LMBR1L: variants seen among roughly 807,000 people sequenced by gnomAD.
LMBR1L encodes the protein limb development membrane protein 1 like.
In LMBR1L, 47 loss-of-function variants were observed where a neutral mutation model predicts 67.3. The ratio of observed to expected loss-of-function variants is 0.70; its 90% CI spans 0.55 to 0.89. The LOEUF is 0.89. Among genes scored for constraint, LMBR1L ranks in the 40% least tolerant of loss-of-function variants. LMBR1L has a pLI of 0.00. For missense variants in LMBR1L, 533 were observed against 599.2 expected, an observed-to-expected ratio of 0.89 and a Z score of 1.15; for synonymous variants, 247 against 250.3, an observed-to-expected ratio of 0.99 and a Z score of 0.13.
intron 2 of LMBR1L, chr12:49,106,357 A>C: frequency 2.7e-6 from 1 of 371,460 alleles, no homozygotes; most frequent in South Asian, 2.1e-5. Flanking sequence ...GAAAGTCCCC[A>C]GGGGAATTAC....
At chr12:49,100,519 C>T (rs757994793) in intron 14 of LMBR1L, 37 bp downstream of exon 14, 2 of 1,609,924 alleles carry the variant, frequency 1.2e-6, no homozygotes, top group East Asian at 2.2e-5. Context: ...TGCCCATCCA[C>T]ACCCCCCGGG....
intron 15 of LMBR1L, among the ~76,000 whole-genome samples, chr12:49,099,142 T>TC (rs1939787699): frequency 7.2e-6 from 1 of 138,950 alleles, no homozygotes; most frequent in South Asian, 2.3e-4. Flanking sequence ...TTTTTTTTTT[T>TC]CTGAGACAGA....
chr12:49,106,453 G>A, intron 2 of LMBR1L: 1 of 638,480 alleles, frequency 1.6e-6, no homozygotes, highest in Non-Finnish European at 2.5e-6. Flanking sequence ...TGGGGCAAGT[G>A]TGCCCCCACC....
Position 49,102,392 on chromosome 12 carries a change from A to G in LMBR1L, c.770-16T>C. Reference sequence around the variant, plus strand: ...GAAGTAGGATCTGAGGGCAGAGAAGATGGTGTTGCTCTCAAGTCCTGCAGT... The same window carrying G: ...GAAGTAGGATCTGAGGGCAGAGAAGGTGGTGTTGCTCTCAAGTCCTGCAGT... On this transcript the variant is annotated splice_polypyrimidine_tract_variant and intron_variant, in intron 9 of 16. Transcript: ENST00000267102. 9 of 1,613,960 alleles carry G rather than the reference A, an allele frequency of 5.6e-6. No individual in the cohort carries two copies. Among genetic ancestry groups the G allele is most frequent in the Non-Finnish European group, 7.6e-6 (9 of 1,179,792 alleles).
intron 1 of LMBR1L, among the ~76,000 whole-genome samples, chr12:49,108,694 A>G (rs1941211749): frequency 6.6e-6 from 1 of 152,082 alleles, no homozygotes; most frequent in African/African-American, 2.4e-5. Context: ...AGATAACGCC[A>G]CTGCACTCCA....
At chr12:49,100,488 G>A in intron 14 of LMBR1L, 34 bp from the exon 15 acceptor site, 1 of 1,608,632 alleles carries the variant, frequency 6.2e-7, no homozygotes, top group Non-Finnish European at 8.5e-7. Flanking sequence ...AGGTGAGGGT[G>A]GAAGAGCTGC....
In LMBR1L at chr12:49,106,962, T is replaced by C; in HGVS notation, c.156A>G (p.Thr52=). 3 of 1,606,870 alleles carry C rather than the reference T, an allele frequency of 1.9e-6. No homozygotes were observed. The highest frequency in any genetic ancestry group is 2.6e-6 in the Non-Finnish European group (3 of 1,173,366). The change falls in exon 2 of 17, where the codon ACA becomes ACG. Residue 52 remains threonine (T), a splice_region_variant and synonymous_variant. Coordinates refer to ENST00000267102, the MANE Select transcript of LMBR1L (RefSeq NM_018113.4). ...CAGGAGGGAGGGAAATCAAAGTACC[T>C]GTGGTGAACTCAGCAGGCTTCTTGA... ...TRFKKPAEFT[T]VDDEDATVNK...
rs1402957177 is a variant in LMBR1L, at chr12:49,100,636, C to G, written c.1093G>C (p.Val365Leu). 8.1e-6 allele frequency: 13 copies of G among 1,613,440 alleles called. No individual in the cohort carries two copies. The highest frequency in any genetic ancestry group is 1.0e-5 in the Non-Finnish European group (12 of 1,179,512). Residue 365 changes from valine (V) to leucine (L), a missense_variant, in exon 14 of 17, where the codon GTG (valine) becomes CTG (leucine). Physicochemically the swap from Val to Leu is conservative, Grantham distance 32. Around this residue, in one of 3 missense-constraint regions of LMBR1L, gnomAD observed 223 missense variants for 241.2 expected, o/e 0.92. Transcript: ENST00000267102. ...CTATAGAAGCCCACAACTGAGGACA[C>G]CATTAGGTAACTGCCACTGCATTAA... The part of the protein sequence containing the change: ...IQVVLIFYLM[V>L]SSVVGFYSSP...
At chr12:49,105,006 C>A (rs1940720570) in intron 3 of LMBR1L, 121 bp from the exon 4 acceptor site, 1 of 1,124,392 alleles carries the variant, frequency 8.9e-7, no homozygotes, top group African/African-American at 1.5e-5. Context: ...AATCACAGAG[C>A]TAAGGAAGGA....
intron 1 of LMBR1L, 136 bp downstream of exon 1, chr12:49,110,348 T>C: frequency 1.3e-6 from 1 of 788,402 alleles, no homozygotes; most frequent in Non-Finnish European, 2.2e-6. Context: ...CCCGCCCTTC[T>C]GCCCGGACGG....
In LMBR1L at chr12:49,101,482, C is replaced by CGGG. The variant is rs767870680; in HGVS notation, c.995_997dup (p.Pro332dup). 1.2e-6 allele frequency: 2 copies of CGGG among 1,613,870 alleles called. No individual in the cohort carries two copies. Among genetic ancestry groups the CGGG allele is most frequent in the Non-Finnish European group, 1.7e-6 (2 of 1,179,878 alleles). ...AGGGCAGCCTGGTACCTGCATGCCTCGGGGCATGGCAGCCTCATCGATGAG... is the reference window on the plus strand; with the variant it reads ...AGGGCAGCCTGGTACCTGCATGCCTCGGGGGGGCATGGCAGCCTCATCGATGAG... On this transcript the variant is annotated inframe_insertion, in exon 12 of 17. Coordinates refer to ENST00000267102, the MANE Select transcript of LMBR1L (RefSeq NM_018113.4).
At chr12:49,100,507 A>G (rs1171435191) in intron 14 of LMBR1L, 49 bp downstream of exon 14, 1 of 1,603,440 alleles carries the variant, frequency 6.2e-7, no homozygotes, top group East Asian at 2.2e-5. Flanking sequence ...GCAGGCACCT[A>G]GTGCCCATCC....
chr12:49,109,490 C>T (rs1238431817), intron 1 of LMBR1L, among the ~76,000 whole-genome samples: 1 of 152,142 alleles, frequency 6.6e-6, no homozygotes, highest in Non-Finnish European at 1.5e-5. Flanking sequence ...ATCAGGCTGC[C>T]CAGGGCTGGC....
Position 49,101,504 on chromosome 12 carries a change from T to C in LMBR1L, c.976A>G (p.Ile326Val), listed in dbSNP as rs772802178. The stretch of plus-strand genomic sequence containing the variant: ...CCTCGGGGCATGGCAGCCTCATCGA[T>C]GAGCAGCTCCAGGATGTGGATGGCC... ...IVAIHILELL[I>V]DEAAMPRGMQ... Residue 326 changes from isoleucine to valine, a missense_variant, in exon 12 of 17, where the codon ATC becomes GTC. Ile to Val is a conservative substitution (Grantham distance 29). Transcript: ENST00000267102. 7.4e-5 allele frequency: 119 copies of C among 1,613,894 alleles called. No individual in the cohort carries two copies. In the South Asian group the frequency reaches 9.4e-4, roughly 13 times the overall value.
intron 16 of LMBR1L, 29 bp downstream of exon 16, chr12:49,097,915 C>A: frequency 1.9e-6 from 3 of 1,600,606 alleles, no homozygotes; most frequent in East Asian, 2.2e-5. Context: ...TACCACCCCC[C>A]ACTAGCCTGC....
chr12:49,099,260 C>G (rs556117792), intron 15 of LMBR1L, among the ~76,000 whole-genome samples: 138 of 151,930 alleles, frequency 9.1e-4, no homozygotes, highest in Middle Eastern at 3.4e-3. Context: ...CTCCCAAGCT[C>G]AGCAATTCTC....
At chr12:49,097,919 A>G (rs748395860) in intron 16 of LMBR1L, 25 bp downstream of exon 16, 7 of 1,603,642 alleles carry the variant, frequency 4.4e-6, no homozygotes. Flanking sequence ...ACCCCCCACT[A>G]GCCTGCACCC....
chr12:49,107,719 G>A (rs1941079995), intron 1 of LMBR1L, among the ~76,000 whole-genome samples: 2 of 152,206 alleles, frequency 1.3e-5, no homozygotes, highest in African/African-American at 4.8e-5. Context: ...ACTGCCAAGT[G>A]ACAGTGATGG....
rs371663533 is a variant in LMBR1L at position 49,100,471 on chromosome 12, A to C, written c.1174-17T>G. On this transcript the variant is annotated splice_polypyrimidine_tract_variant and intron_variant, in intron 14 of 16. Transcript: ENST00000267102. ...CCCAATTATCTGGGTGGAAGCAGGG[A>C]AAGGAGAGGTGAGGGTGGAAGAGCT... The C allele has an allele frequency of 1.4e-5, 22 of 1,612,980 alleles. No homozygotes were observed. The highest frequency in any genetic ancestry group is 1.5e-5 in the Non-Finnish European group (18 of 1,178,996).
Sources: allele counts gnomAD v4.1 joint callset (sites outside exome capture counted in the v4.1 genomes callset), GRCh38; gene constraint gnomAD v4.1.1; regional missense constraint gnomAD v4.1.1; transcripts MANE v1.5; gene names NCBI Gene and HGNC (gene_info 2026-07-23, HGNC 2026-07-21).